Variants in CASKIN1 observed in about 807,000 individuals in gnomAD.
CASKIN1 encodes caskin-1.
In CASKIN1, 42 loss-of-function variants were observed where a neutral mutation model predicts 117.5. The ratio of observed to expected loss-of-function variants is 0.36; its 90% CI spans 0.28 to 0.46. The LOEUF (loss-of-function observed/expected upper bound fraction) is 0.46, where lower values mean the gene tolerates loss of function less well. CASKIN1 is among the 20% of genes least tolerant of loss of function. The pLI is 1.00. For missense variants in CASKIN1, 2,083 were observed against 2,077.3 expected (o/e 1.00, Z -0.05); for synonymous variants, 1,148 against 961.7 (o/e 1.19, Z -3.59).
In CASKIN1 at chr16:2,181,263, T is replaced by G. The variant is rs768376000; in HGVS notation, c.2105A>C (p.His702Pro). The change falls in exon 18 of 20, where the codon CAC (histidine) becomes CCC (proline). Residue 702 changes from histidine (H) to proline (P), a missense_variant. By Grantham distance (77) the His-to-Pro change is moderately conservative (BLOSUM62 -2). Coordinates refer to ENST00000343516, the MANE Select transcript of CASKIN1 (RefSeq NM_020764.4). The stretch of plus-strand genomic sequence containing the variant: ...CAGCAGCTCCTGCGAGCTGCTCATG[T>G]GCCGTGCCCGACCACCCAGGCTGGA... ...QDSSLGGRAR[H>P]MSSSQELLGD... The G allele has an allele frequency of 1.7e-5, 28 of 1,600,302 alleles. No individual in the cohort carries two copies. The highest frequency in any genetic ancestry group is 1.5e-4 in the African/African-American group (11 of 74,740).
rs764588312 is a variant in CASKIN1 at position 2,179,780 on chromosome 16, C to T, written c.3588G>A (p.Pro1196=). Residue 1196 remains proline (P), a synonymous_variant, in exon 18 of 20, where the codon CCG becomes CCA. Coordinates refer to ENST00000343516, the MANE Select transcript of CASKIN1 (RefSeq NM_020764.4). This position sits in a 1 kb window ranked among gnomAD's most constrained non-coding sequence, Gnocchi z 5.8. ...AGPPELPPPP[P]PAEPPPTDLA... ...GGTCGGTGGGCGGGGGTTCGGCAGG[C>T]GGGGGCGGTGGAGGCAGCTCCGGAG... 9.5e-6 allele frequency: 14 copies of T among 1,467,402 alleles called. No homozygotes were observed. Among genetic ancestry groups the T allele is most frequent in the African/African-American group, 1.4e-5 (1 of 71,248 alleles). The allele number at this position is 1,467,402 out of a possible 1,614,324, so 90.9% of individuals were successfully genotyped here.
chr16:2,187,771 G>A (rs1210701825), intron 6 of CASKIN1, among the ~76,000 whole-genome samples: 1 of 152,044 alleles, frequency 6.6e-6, no homozygotes, highest in Admixed American at 6.6e-5. Context: ...ACAGGCACCT[G>A]CCACCACACC....
intron 10 of CASKIN1, 77 bp from the exon 11 acceptor site, chr16:2,185,485 T>G (rs1193248503): frequency 7.9e-7 from 1 of 1,265,556 alleles, no homozygotes; most frequent in Non-Finnish European, 1.1e-6. Context: ...GGACAGAGAC[T>G]GGCGCAGCCA....
intron 17 of CASKIN1, 85 bp downstream of exon 17, chr16:2,181,706 C>A: frequency 4.5e-5 from 8 of 179,602 alleles, no homozygotes; most frequent in Non-Finnish European, 6.8e-5. Context: ...GGGGCTGGGG[C>A]GGGGCTGGGG....
rs189276002 is a variant in CASKIN1 at position 2,184,543 on chromosome 16, A to G, written c.1416+234T>C. Among the ~76,000 whole-genome samples, 6 of 152,216 alleles carry G rather than the reference A, an allele frequency of 3.9e-5. No homozygotes were observed. The East Asian group carries it at 7.7e-4, about 20-fold the overall frequency. ...GTCCCACCATCACACACACACACGC[A>G]CACACAGAGGCACAGGTTGGCCCAC... On this transcript the variant is annotated intron_variant, in intron 14 of 19. Coordinates refer to ENST00000343516, the MANE Select transcript of CASKIN1 (RefSeq NM_020764.4).
rs1166917689 is a variant in CASKIN1 at position 2,178,087 on chromosome 16, C to T, written c.*463G>A. ...ACCTTTTTGTTTCTCTGGGGAAATC[C>T]GCCTCAGCTCATTCCCAATAAATTA... On this transcript the variant is annotated 3_prime_UTR_variant, in exon 20 of 20. Transcript: ENST00000343516. 13 of 493,834 alleles carry T rather than the reference C, an allele frequency of 2.6e-5. No homozygotes were observed. Among genetic ancestry groups the T allele is most frequent in the South Asian group, 1.3e-4 (8 of 61,058 alleles). The allele number at this position is 493,834 out of a possible 1,614,324, so 30.6% of individuals were successfully genotyped here.
Position 2,194,827 on chromosome 16 carries a change from C to A in CASKIN1, c.94+1512G>T, listed in dbSNP as rs2093211086. On this transcript the variant is annotated intron_variant, in intron 1 of 19. Transcript: ENST00000343516. ...GAAGGGAGGAGGAACCTCCCCAGAG[C>A]TGAAGCCCCCACTTCCCCAGCCCCT... Among the ~76,000 whole-genome samples the A allele has an allele frequency of 5.3e-5, 8 of 152,286 alleles. No homozygotes were observed. The South Asian group carries it at 1.4e-3, about 28-fold the overall frequency.
chr16:2,189,084 G>A lies in CASKIN1; in HGVS notation c.560C>T (p.Pro187Leu). 6.2e-7 allele frequency: 1 copy of A among 1,613,704 alleles called. No individual in the cohort carries two copies. The change falls in exon 6 of 20, where the codon CCC becomes CTC. Residue 187 changes from proline to leucine, a missense_variant. Pro to Leu is a moderately conservative substitution (Grantham distance 98). This residue lies in a region of CASKIN1 where 203 missense variants were observed against 338.7 expected (regional missense o/e 0.60). Coordinates refer to ENST00000343516, the MANE Select transcript of CASKIN1 (RefSeq NM_020764.4). ...GAGGTGCAAAGGGCTGGTGCCGTTGGGGTCGGTGGCGTCTCCCGGCCGGGG... is the reference window on the plus strand; with the variant it reads ...GAGGTGCAAAGGGCTGGTGCCGTTGAGGTCGGTGGCGTCTCCCGGCCGGGG... The part of the protein sequence containing the change: ...LEPRPGDATD[P>L]NGTSPLHLAA...
chr16:2,189,423 T>A lies in CASKIN1; in HGVS notation c.386A>T (p.Asp129Val). The A allele has an allele frequency of 6.2e-7, 1 of 1,611,448 alleles. No individual in the cohort carries two copies. Among genetic ancestry groups the A allele is most frequent in the Non-Finnish European group, 8.5e-7 (1 of 1,179,450 alleles). Residue 129 changes from aspartate (D) to valine (V), a missense_variant, in exon 4 of 20, where the codon GAT (aspartate) becomes GTT (valine). Physicochemically the swap from Asp to Val is radical, Grantham distance 152 (BLOSUM62 -3). Coordinates refer to ENST00000343516, the MANE Select transcript of CASKIN1 (RefSeq NM_020764.4). ...CCGCCCCCGCTCGGGCCTCACCACA[T>A]CATAGTGACCATGCTGGGCCGCCAG... ...LHLAAQHGHY[D>V]VSEMLLQHQS...
In CASKIN1 at chr16:2,180,368, A is replaced by G. The variant is rs779209490; in HGVS notation, c.3000T>C (p.Ser1000=). 2.1e-5 allele frequency: 33 copies of G among 1,593,652 alleles called. No individual in the cohort carries two copies. In the East Asian group the frequency reaches 4.1e-4, roughly 20 times the overall value. The change falls in exon 18 of 20, where the codon AGT becomes AGC. Residue 1000 remains serine (S), a synonymous_variant. Transcript: ENST00000343516. ...AGSVDTGSAG[S]VKSIAAMLEL... is the part of the protein sequence containing the mutation. ...CCAGCATGGCCGCGATGCTCTTCAC[A>G]CTGCCGGCACTACCCGTGTCCACGC...
rs2093170788 is a variant in CASKIN1 at position 2,182,345 on chromosome 16, C to G, written c.1630-416G>C. 6.6e-6 allele frequency among the ~76,000 whole-genome samples: 1 copy of G among 152,040 alleles called. No homozygotes were observed. Among genetic ancestry groups the G allele is most frequent in the South Asian group, 2.1e-4 (1 of 4,808 alleles). On this transcript the variant is annotated intron_variant, in intron 16 of 19. Coordinates refer to ENST00000343516, the MANE Select transcript of CASKIN1 (RefSeq NM_020764.4). The surrounding 1 kb of genome is among the most constrained non-coding windows in gnomAD (Gnocchi z 4.1). ...CCCAGCCGTGCACAGGCACCAGCAC[C>G]CCATCCCGTTTCACACTCTGACCTC...
rs2093156501 is a variant in CASKIN1 at position 2,179,026 on chromosome 16, G to GGGCGGGGGGCGC, written c.4063_4074dup (p.Ala1355_Ala1358dup). 8.6e-7 allele frequency: 1 copy of GGGCGGGGGGCGC among 1,156,756 alleles called. No individual in the cohort carries two copies. Among genetic ancestry groups the GGGCGGGGGGCGC allele is most frequent in the Non-Finnish European group, 1.1e-6 (1 of 940,354 alleles). 71.7% of individuals were successfully genotyped at this position (1,156,756 alleles called of 1,614,324 possible). ...TCCCCTGGCGAGGCGCCTTCGGGCG[G>GGGCGGGGGGCGC]GGCGGGGGGCGCGGCGGCGGCGGCG... is the stretch of plus-strand genomic sequence containing the variant. On this transcript the variant is annotated inframe_insertion, in exon 19 of 20. Transcript: ENST00000343516. The surrounding 1 kb of genome is among the most constrained non-coding windows in gnomAD (Gnocchi z 5.8).
rs113504943 is a variant in CASKIN1, at chr16:2,182,596, C to G, written c.1630-667G>C. Among the ~76,000 whole-genome samples the G allele has an allele frequency of 1.3e-5, 2 of 152,208 alleles. No homozygotes were observed. The highest frequency in any genetic ancestry group is 1.9e-4 in the East Asian group (1 of 5,192). On this transcript the variant is annotated intron_variant, in intron 16 of 19. Transcript: ENST00000343516. This position sits in a 1 kb window ranked among gnomAD's most constrained non-coding sequence, Gnocchi z 4.1. Reference sequence around the variant, plus strand: ...CGGACCTGACCCCTAGGAGGATCCCCGAGCCACCAATTGAGTGAGGCAAGG... The same window carrying G: ...CGGACCTGACCCCTAGGAGGATCCCGGAGCCACCAATTGAGTGAGGCAAGG...
At chr16:2,186,866 T>C in intron 9 of CASKIN1, 42 bp from the exon 10 acceptor site, 1 of 1,605,996 alleles carries the variant, frequency 6.2e-7, no homozygotes, top group Non-Finnish European at 8.5e-7. Flanking sequence ...ATGCCCCCTT[T>C]CGCAGAGTCT....
Position 2,189,343 on chromosome 16 carries a change from A to G in CASKIN1, c.391-10T>C, listed in dbSNP as rs1432646745. Reference sequence around the variant, plus strand: ...GTAGCAGCATCTCAGACTGGGGGCCAAGGGCGCAGTCAGGTCCGCACATCC... The same window carrying G: ...GTAGCAGCATCTCAGACTGGGGGCCGAGGGCGCAGTCAGGTCCGCACATCC... On this transcript the variant is annotated splice_polypyrimidine_tract_variant and intron_variant, in intron 4 of 19. Transcript: ENST00000343516. 5 of 1,612,626 alleles carry G rather than the reference A, an allele frequency of 3.1e-6. No homozygotes were observed. Among genetic ancestry groups the G allele is most frequent in the African/African-American group, 2.7e-5 (2 of 74,894 alleles).
chr16:2,178,628 C>T lies in CASKIN1; in HGVS notation c.4218G>A (p.Lys1406=), dbSNP rs201764849. The T allele has an allele frequency of 1.1e-4, 170 of 1,594,252 alleles. No homozygotes were observed. The highest frequency in any genetic ancestry group is 1.0e-4 in the Non-Finnish European group (119 of 1,175,378). Reference sequence around the variant, plus strand: ...TGTCGTCCAGGATGCTGCCAGTGCTCTTTTCCGCCGCCGAGTCGCTGCGGG... The same window carrying T: ...TGTCGTCCAGGATGCTGCCAGTGCTTTTTTCCGCCGCCGAGTCGCTGCGGG... ...AQGPRDSAAE[K]STGSILDDIG... The change falls in exon 20 of 20, where the codon AAG becomes AAA. Residue 1406 remains lysine, a synonymous_variant. Transcript: ENST00000343516.
In CASKIN1 at chr16:2,180,665, A is replaced by G. The variant is rs1482954693; in HGVS notation, c.2703T>C (p.Pro901=). The stretch of plus-strand genomic sequence containing the variant: ...CCGTGGCATAGGGGCCGGCAGCCGC[A>G]GGCACCAGCAGCTCGTCCCGCTCCG... ...SEPERDELLV[P]AAAGPYATVQ... is the part of the protein sequence containing the mutation. The change falls in exon 18 of 20, where the codon CCT becomes CCC. Residue 901 remains proline, a synonymous_variant. Transcript: ENST00000343516. The G allele has an allele frequency of 1.3e-5, 20 of 1,521,438 alleles. No individual in the cohort carries two copies. The highest frequency in any genetic ancestry group is 1.6e-5 in the Non-Finnish European group (18 of 1,139,086). 94.2% of individuals were successfully genotyped at this position (1,521,438 alleles called of 1,614,324 possible).
intron 9 of CASKIN1, 28 bp from the exon 10 acceptor site, chr16:2,186,852 G>A (rs2093186318): frequency 6.2e-7 from 1 of 1,606,106 alleles, no homozygotes; most frequent in Admixed American, 1.7e-5. Flanking sequence ...GGGCGCTCAG[G>A]GAGATGCCCC....
rs577295452 is a variant in CASKIN1, at chr16:2,187,401, G to A, written c.678C>T (p.His226=). ...NRQTKSGTAL[H]EAALCGKTEV... ...CTGTCTTTCCGCAGAGCGCAGCCTC[G>A]TGCAGGGCCGTGCCGGACTTGGTCT... The change falls in exon 7 of 20, where the codon CAC becomes CAT. Residue 226 remains histidine (H), a synonymous_variant. Transcript: ENST00000343516. 128 of 1,611,266 alleles carry A rather than the reference G, an allele frequency of 7.9e-5. No individual in the cohort carries two copies. Among genetic ancestry groups the A allele is most frequent in the African/African-American group, 3.7e-4 (28 of 75,030 alleles).
Sources: allele counts gnomAD v4.1 joint callset (sites outside exome capture counted in the v4.1 genomes callset), GRCh38; gene constraint gnomAD v4.1.1; regional missense constraint gnomAD v4.1.1; non-coding constraint Gnocchi (gnomAD v3.1); transcripts MANE v1.5; gene names NCBI Gene and HGNC (gene_info 2026-07-23, HGNC 2026-07-21).